The following KAZN variants were observed in gnomAD, a reference collection of about 807,000 sequenced individuals.
KAZN encodes the protein kazrin.
A neutral mutation model predicts 87.4 loss-of-function variants in KAZN; 40 were observed. The observed-to-expected ratio is 0.46, with a 90% confidence interval of 0.36 to 0.60. KAZN has a LOEUF of 0.60. Ranked by LOEUF, KAZN falls within the 20% of genes least tolerant of loss-of-function variation. The pLI is 0.00. For synonymous variants in KAZN, 466 were observed against 458.3 expected, an observed-to-expected ratio of 1.02 and a Z score of -0.22; for missense variants, 898 against 1,073.9, an observed-to-expected ratio of 0.84 and a Z score of 2.29.
At chr1:14,914,965 C>T (rs1339426038) in intron 1 of KAZN, among the ~76,000 whole-genome samples, 8 of 151,986 alleles carry the variant, frequency 5.3e-5, no homozygotes, top group South Asian at 2.1e-4. Context: ...CTGAGGCGGG[C>T]GGATCACCTG....
At chr1:14,414,303 G>A (rs1466004847) in intron 2 of KAZN, among the ~76,000 whole-genome samples, 1 of 147,926 alleles carries the variant, frequency 6.8e-6, no homozygotes, top group Non-Finnish European at 1.5e-5. Context: ...AAAGTAACTG[G>A]TAAAGCCAAA....
chr1:14,053,688 GT>G (rs1557436490), intron 1 of KAZN, among the ~76,000 whole-genome samples: 1 of 152,146 alleles, frequency 6.6e-6, no homozygotes, highest in African/African-American at 2.4e-5. Context: ...AGTGAAAATT[GT>G]TTTATGCCTG....
At chr1:14,598,365 C>A (rs1676647177), upstream of KAZN, among the ~76,000 whole-genome samples, 1 of 152,188 alleles carries the variant, frequency 6.6e-6, no homozygotes, top group Non-Finnish European at 1.5e-5. The surrounding 1 kb of genome is among the most constrained non-coding windows in gnomAD (Gnocchi z 4.2). Flanking sequence ...TTCCAAGCAC[C>A]CTCTCTTCCG....
At position 14,134,316 on chromosome 1, in the gene KAZN, T is replaced by A. The variant is rs1484198302; in HGVS notation, c.92-46119T>A. Among the ~76,000 whole-genome samples, 5 of 152,190 alleles carry A rather than the reference T, an allele frequency of 3.3e-5. No homozygotes were observed. The East Asian group carries it at 7.7e-4, about 23-fold the overall frequency. On this transcript the variant is annotated intron_variant, in intron 1 of 16. Transcript: ENST00000636203. ...TCAGATCAGTAGCTCCAAGAAGACA[T>A]GGGCTGAAAGGATCCTCCCTAGATG... is the stretch of plus-strand genomic sequence containing the variant.
intron 10 of KAZN, 97 bp downstream of exon 10, chr1:15,095,030 C>G: frequency 1.2e-6 from 1 of 823,508 alleles, no homozygotes; most frequent in Non-Finnish European, 2.0e-6. Context: ...GTGGGCTGAA[C>G]CAGGTGGTGG....
intron 1 of KAZN, among the ~76,000 whole-genome samples, chr1:14,672,048 T>C (rs1639949990): frequency 6.6e-6 from 1 of 152,234 alleles, no homozygotes. Flanking sequence ...TGAACATCCT[T>C]GCCTCAGAAT....
At chr1:14,841,887 AGCATCCTGACTGATACTCATCCAG>A in intron 1 of KAZN, among the ~76,000 whole-genome samples, 2 of 152,154 alleles carry the variant, frequency 1.3e-5, no homozygotes, top group Non-Finnish European at 2.9e-5. Context: ...TAGCCACTCC[AGCATCCTGACTGATACTCATCCAG>A]GCTAGCTGTG....
intron 1 of KAZN, among the ~76,000 whole-genome samples, chr1:14,794,769 G>C (rs1645781735): frequency 6.6e-6 from 1 of 152,130 alleles, no homozygotes; most frequent in Non-Finnish European, 1.5e-5. Flanking sequence ...ATTGTTTCTG[G>C]GTGTGTCTGT....
intron 2 of KAZN, among the ~76,000 whole-genome samples, chr1:14,426,679 C>T (rs1443906679): frequency 6.6e-6 from 1 of 152,076 alleles, no homozygotes; most frequent in Non-Finnish European, 1.5e-5. Context: ...CTGCAGGGCC[C>T]GGGTAGTCAT....
chr1:14,813,680 CTT>C (rs1248827583), intron 1 of KAZN, among the ~76,000 whole-genome samples: 3 of 152,228 alleles, frequency 2.0e-5, no homozygotes, highest in Non-Finnish European at 2.9e-5. Context: ...TATTCACACT[CTT>C]TTGTGACCAT....
At chr1:14,877,813 C>T (rs931969787) in intron 1 of KAZN, among the ~76,000 whole-genome samples, 1 of 152,162 alleles carries the variant, frequency 6.6e-6, no homozygotes, top group East Asian at 1.9e-4. Context: ...TCAGTAAAGG[C>T]TGTTGTTATC....
At chr1:14,653,335 G>A (rs1182316987) in intron 1 of KAZN, among the ~76,000 whole-genome samples, 2 of 152,222 alleles carry the variant, frequency 1.3e-5, no homozygotes, top group African/African-American at 4.8e-5. Context: ...ATGCCTGCAG[G>A]TGCCAGGTAT....
At chr1:14,925,880 G>A (rs1307938218) in intron 1 of KAZN, among the ~76,000 whole-genome samples, 3 of 152,148 alleles carry the variant, frequency 2.0e-5, no homozygotes, top group Non-Finnish European at 4.4e-5. Flanking sequence ...AGTCCAAGAC[G>A]GGTTGAGGTA....
intron 2 of KAZN, among the ~76,000 whole-genome samples, chr1:14,215,703 C>T (rs1472357689): frequency 6.6e-6 from 1 of 152,134 alleles, no homozygotes; most frequent in Non-Finnish European, 1.5e-5. Flanking sequence ...CTGAAGCCTA[C>T]AGAAAAGCTT....
At chr1:14,292,658 TG>T (rs940728771) in intron 2 of KAZN, among the ~76,000 whole-genome samples, 4 of 152,204 alleles carry the variant, frequency 2.6e-5, no homozygotes, top group African/African-American at 9.7e-5. Context: ...AAGGCCCAGC[TG>T]GCAGGCTCTG....
intron 1 of KAZN, among the ~76,000 whole-genome samples, chr1:14,886,751 G>T (rs550114516): frequency 7.9e-5 from 12 of 152,092 alleles, no homozygotes; most frequent in South Asian, 6.2e-4. Flanking sequence ...AGATCGTGCC[G>T]TTATACTCCA....
chr1:14,924,248 G>C (rs1658878439), intron 1 of KAZN: 1 of 981,914 alleles, frequency 1.0e-6, no homozygotes, highest in Non-Finnish European at 1.2e-6. Flanking sequence ...CCGGGCGGGA[G>C]GCGGGGGCGG....
At chr1:14,248,345 CAT>C (rs1465803514) in intron 2 of KAZN, among the ~76,000 whole-genome samples, 2 of 152,212 alleles carry the variant, frequency 1.3e-5, no homozygotes, top group African/African-American at 4.8e-5. Context: ...TTTCACTAAA[CAT>C]ATATTTGTTA....
At chr1:14,264,193 A>C (rs535756625) in intron 2 of KAZN, among the ~76,000 whole-genome samples, 1 of 152,114 alleles carries the variant, frequency 6.6e-6, no homozygotes, top group South Asian at 2.1e-4. Context: ...CAGGTTCTAA[A>C]CCTAAGTCTG....
Sources: allele counts gnomAD v4.1 joint callset (sites outside exome capture counted in the v4.1 genomes callset), GRCh38; gene constraint gnomAD v4.1.1; non-coding constraint Gnocchi (gnomAD v3.1); transcripts MANE v1.5; gene names NCBI Gene and HGNC (gene_info 2026-07-23, HGNC 2026-07-21).